ZNF208: variants seen among roughly 807,000 people sequenced by gnomAD.
ZNF208 encodes zinc finger protein 208, also known as zinc finger protein 95.
A neutral mutation model predicts 12.1 loss-of-function variants in ZNF208; 10 were observed. That is an observed-to-expected ratio of 0.83 (90% confidence interval 0.51 to 1.40). ZNF208 has a LOEUF of 1.40. Among genes scored for constraint, ZNF208 ranks in the 40% most tolerant of loss-of-function variants. ZNF208 has a pLI of 0.00. For synonymous variants in ZNF208, 497 were observed against 488.4 expected (o/e 1.02, Z -0.23); for missense variants, 1,652 against 1,485.0 (o/e 1.11, Z -1.85).
intron 3 of ZNF208, among the ~76,000 whole-genome samples, chr19:21,977,884 G>A (rs888073614): frequency 4.6e-5 from 7 of 152,188 alleles, no homozygotes; most frequent in East Asian, 1.9e-4. Context: ...TGGGAAGCTC[G>A]AGCTTGGTGG....
chr19:21,990,235 T>C (rs1970707819), intron 1 of ZNF208, among the ~76,000 whole-genome samples: 1 of 152,174 alleles, frequency 6.6e-6, no homozygotes, highest in Non-Finnish European at 1.5e-5. Context: ...TTTAAGTCTT[T>C]AATCCATCTT....
chr19:21,962,742 C>A (rs973912999), downstream of ZNF208, among the ~76,000 whole-genome samples: 3 of 152,056 alleles, frequency 2.0e-5, no homozygotes, highest in East Asian at 1.9e-4. Flanking sequence ...AACTATAAAT[C>A]TTTTCAAAAG....
At chr19:21,948,948 GGAAAA>G (rs376374193) in intron 4 of ZNF208, among the ~76,000 whole-genome samples, 128 of 152,222 alleles carry the variant, frequency 8.4e-4, no homozygotes, top group African/African-American at 3.0e-3. Flanking sequence ...ATGGAGAAGT[GGAAAA>G]GAAAACACTT....
Position 21,974,248 on chromosome 19 carries a change from A to C in ZNF208, c.786T>G (p.Cys262Trp). The change falls in exon 4 of 4, where the codon TGT becomes TGG. Residue 262 changes from cysteine to tryptophan, a missense_variant. Cys to Trp is a radical substitution (Grantham distance 215). Around this residue, in one of 3 missense-constraint regions of ZNF208, gnomAD observed 410 missense variants for 378.2 expected, o/e 1.08. Transcript: ENST00000397126. ...TTGCAGATTGGTTAAAAGCCTTGCC[A>C]CATTCTTCACATTTGTAGGATTTCT... ...TGEKSYKCEE[C>W]GKAFNQSAIL... is the part of the protein sequence containing the mutation. The C allele has an allele frequency of 6.2e-7, 1 of 1,603,396 alleles. No individual in the cohort carries two copies. Among genetic ancestry groups the C allele is most frequent in the East Asian group, 2.2e-5 (1 of 44,756 alleles).
intron 1 of ZNF208, among the ~76,000 whole-genome samples, chr19:21,989,595 C>T (rs567935478): frequency 6.6e-6 from 1 of 152,036 alleles, no homozygotes; most frequent in Non-Finnish European, 1.5e-5. Flanking sequence ...TGGATATATA[C>T]CCAGTAATGA....
chr19:21,998,998 C>A (rs559458445), intron 1 of ZNF208, among the ~76,000 whole-genome samples: 3 of 145,734 alleles, frequency 2.1e-5, no homozygotes, highest in East Asian at 4.1e-4. Context: ...ATATATGACA[C>A]TAAAATTATG....
rs561854077 is a variant in ZNF208 at position 21,973,658 on chromosome 19, C to A, written c.1376G>T (p.Gly459Val). The A allele has an allele frequency of 6.4e-7, 1 of 1,569,784 alleles. No individual in the cohort carries two copies. The highest frequency in any genetic ancestry group is 1.7e-5 in the Admixed American group (1 of 58,890). The stretch of plus-strand genomic sequence containing the variant: ...GATTGAGAACATACTAAAGCCTTTG[C>A]CACATTCTTCACATTTGTAGGGTGT... Reference protein sequence around the residue: ...GETPYKCEECGKGFSMFSILT... With the variant: ...GETPYKCEECVKGFSMFSILT... The change falls in exon 4 of 4, where the codon GGC (glycine) becomes GTC (valine). Residue 459 changes from glycine (G) to valine (V), a missense_variant. By Grantham distance (109) the Gly-to-Val change is moderately radical. Transcript: ENST00000397126.
chr19:21,972,033 A>C lies in ZNF208; in HGVS notation c.3001T>G (p.Tyr1001Asp). ...HKVIHTGEKP[Y>D]KCEECGKAFN... is the part of the protein sequence containing the mutation. Reference sequence around the variant, plus strand: ...GCTTTGCCACATTCTTCACATTTGTAGGGTTTCTCTCCAGTATGAATTACC... The same window carrying C: ...GCTTTGCCACATTCTTCACATTTGTCGGGTTTCTCTCCAGTATGAATTACC... Residue 1001 changes from tyrosine (Y) to aspartate (D), a missense_variant, in exon 4 of 4, where the codon TAC becomes GAC. Coordinates refer to ENST00000397126, the MANE Select transcript of ZNF208 (RefSeq NM_007153.3). The C allele has an allele frequency of 6.2e-7, 1 of 1,613,878 alleles. No homozygotes were observed.
At chr19:21,947,141 C>T (rs1406902635) in intron 4 of ZNF208, among the ~76,000 whole-genome samples, 3 of 152,034 alleles carry the variant, frequency 2.0e-5, no homozygotes, top group African/African-American at 7.2e-5. Context: ...AGCAACAGGG[C>T]GAATTCAAAA....
chr19:21,965,344 G>A (rs865845724), downstream of ZNF208, among the ~76,000 whole-genome samples: 20 of 152,078 alleles, frequency 1.3e-4, no homozygotes, highest in Middle Eastern at 0.01. Context: ...GAAATGTCAT[G>A]GTTCATTCTT....
downstream of ZNF208, among the ~76,000 whole-genome samples, chr19:21,965,489 G>A (rs137990099): frequency 8.6e-5 from 13 of 152,030 alleles, no homozygotes; most frequent in East Asian, 2.5e-3. Flanking sequence ...TGAAATTCAT[G>A]GCATCTTTTG....
In ZNF208 at chr19:21,972,480, T is replaced by G; in HGVS notation, c.2554A>C (p.Lys852Gln). 6.2e-7 allele frequency: 1 copy of G among 1,613,146 alleles called. No individual in the cohort carries two copies. Among genetic ancestry groups the G allele is most frequent in the Non-Finnish European group, 8.5e-7 (1 of 1,179,862 alleles). Residue 852 changes from lysine (K) to glutamine (Q), a missense_variant, in exon 4 of 4, where the codon AAG (lysine) becomes CAG (glutamine). By Grantham distance (53) the Lys-to-Gln change is moderately conservative (BLOSUM62 1). Transcript: ENST00000397126. ...FSKFSILTKH[K>Q]VIHTGEKPYK... is the part of the protein sequence containing the mutation. ...GGTTTCTCTCCAGTATGAATTACCTTATGTTTAGTAAGGATTGAGAACTTA... is the reference window on the plus strand; with the variant it reads ...GGTTTCTCTCCAGTATGAATTACCTGATGTTTAGTAAGGATTGAGAACTTA...
At chr19:22,007,408 G>T (rs893161225) in intron 1 of ZNF208, among the ~76,000 whole-genome samples, 2 of 150,238 alleles carry the variant, frequency 1.3e-5, no homozygotes, top group African/African-American at 4.9e-5. Flanking sequence ...CTATTTGGGA[G>T]GCTAAGGCAG....
At chr19:21,947,034 TG>T (rs1277505024) in intron 4 of ZNF208, among the ~76,000 whole-genome samples, 1 of 152,120 alleles carries the variant, frequency 6.6e-6, no homozygotes, top group African/African-American at 2.4e-5. Context: ...ATGTTGTGAA[TG>T]TTTTTACAGC....
chr19:22,008,952 GCCATGGCGGGTA>G (rs2145591002), intron 1 of ZNF208, among the ~76,000 whole-genome samples: 1 of 152,204 alleles, frequency 6.6e-6, no homozygotes, highest in South Asian at 2.1e-4. Context: ...CGCAGACATA[GCCATGGCGGGTA>G]TCTTAGTTTT....
chr19:22,005,956 A>T (rs1971036920), intron 1 of ZNF208, among the ~76,000 whole-genome samples: 1 of 152,142 alleles, frequency 6.6e-6, no homozygotes, highest in Non-Finnish European at 1.5e-5. Flanking sequence ...CCTACTACAC[A>T]ACCAGGAAAA....
intron 1 of ZNF208, among the ~76,000 whole-genome samples, chr19:21,992,369 T>C (rs1970756156): frequency 6.6e-6 from 1 of 152,250 alleles, no homozygotes; most frequent in Non-Finnish European, 1.5e-5. Context: ...ATTAGTTTTA[T>C]GGAAAGTTCA....
Position 21,974,146 on chromosome 19 carries a change from C to G in ZNF208, c.888G>C (p.Lys296Asn). The G allele has an allele frequency of 6.2e-7, 1 of 1,612,648 alleles. No homozygotes were observed. Among genetic ancestry groups the G allele is most frequent in the Non-Finnish European group, 8.5e-7 (1 of 1,179,306 alleles). Residue 296 changes from lysine to asparagine, a missense_variant, in exon 4 of 4, where the codon AAG becomes AAC. This residue lies in a region of ZNF208 where 410 missense variants were observed against 378.2 expected (regional missense o/e 1.08). Coordinates refer to ENST00000397126, the MANE Select transcript of ZNF208 (RefSeq NM_007153.3). ...CCTTATGTGTAGTAAGAGTCGAGAC[C>G]TTACTAAAGGCTTTGCCACATTCTT... The part of the protein sequence containing the change: ...KCEECGKAFS[K>N]VSTLTTHKAI...
rs547605997 is a variant in ZNF208 at position 21,948,153 on chromosome 19, G to C, written c.306-14916C>G. Among the ~76,000 whole-genome samples the C allele has an allele frequency of 1.9e-3, 284 of 152,194 alleles. 5 individuals are homozygous for C. Among genetic ancestry groups the C allele is most frequent in the Non-Finnish European group, 2.2e-4 (15 of 68,000 alleles). Reference sequence around the variant, plus strand: ...CCTTTTTCTAGATAGGTAACAAACCGTCTACAGTTTGCATTCCCCTCTAGT... The same window carrying C: ...CCTTTTTCTAGATAGGTAACAAACCCTCTACAGTTTGCATTCCCCTCTAGT... On this transcript the variant is annotated intron_variant, in intron 4 of 4. Transcript: ENST00000599916.
Sources: allele counts gnomAD v4.1 joint callset (sites outside exome capture counted in the v4.1 genomes callset), GRCh38; gene constraint gnomAD v4.1.1; regional missense constraint gnomAD v4.1.1; transcripts MANE v1.5; gene names NCBI Gene and HGNC (gene_info 2026-07-23, HGNC 2026-07-21).